C1orf21: variants seen among roughly 807,000 people sequenced by gnomAD.
The protein encoded by C1orf21 is chromosome 1 open reading frame 21.
Under a neutral mutation model 18.7 loss-of-function variants are expected in C1orf21, and 3 were observed. That is an observed-to-expected ratio of 0.16 (90% CI 0.07 to 0.42). The LOEUF is 0.42. Ranked by LOEUF, C1orf21 falls within the 10% of genes least tolerant of loss-of-function variation. The pLI, the probability that C1orf21 is intolerant of heterozygous loss-of-function variation, is 0.99. For missense variants in C1orf21, 104 were observed against 143.6 expected (o/e 0.72, Z 1.41); for synonymous variants, 41 against 46.4 (o/e 0.88, Z 0.47).
In C1orf21 at chr1:184,532,288, G is replaced by A. The variant is rs557400722; in HGVS notation, c.189+24606G>A. The stretch of plus-strand genomic sequence containing the variant: ...CTGTAAAACAATAAAAATAATACCC[G>A]TCTTACAAGATTGTTGTAAAGATGA... On this transcript the variant is annotated intron_variant, in intron 3 of 5. Coordinates refer to ENST00000235307, the MANE Select transcript of C1orf21 (RefSeq NM_030806.4). 2.6e-5 allele frequency among the ~76,000 whole-genome samples: 4 copies of A among 152,058 alleles called. No homozygotes were observed. In the East Asian group the frequency reaches 5.8e-4, roughly 22 times the overall value.
intron 2 of C1orf21, among the ~76,000 whole-genome samples, chr1:184,492,795 G>A (rs1472381937): frequency 6.6e-6 from 1 of 152,186 alleles, no homozygotes; most frequent in African/African-American, 2.4e-5. Context: ...AAGGTTTGTG[G>A]TAGAAGTCAG....
chr1:184,558,080 T>C (rs1321586429), intron 3 of C1orf21, among the ~76,000 whole-genome samples: 3 of 152,234 alleles, frequency 2.0e-5, no homozygotes, highest in Non-Finnish European at 2.9e-5. Flanking sequence ...TTCAACATGG[T>C]AAGAGCAAAG....
chr1:184,492,365 C>T (rs922426872), intron 2 of C1orf21, among the ~76,000 whole-genome samples: 1 of 152,192 alleles, frequency 6.6e-6, no homozygotes, highest in African/African-American at 2.4e-5. Flanking sequence ...TATTTACCTG[C>T]TCCCCACACT....
Position 184,524,343 on chromosome 1 carries a change from C to A in C1orf21, c.189+16661C>A, listed in dbSNP as rs554816215. Among the ~76,000 whole-genome samples, 17 of 152,196 alleles carry A rather than the reference C, an allele frequency of 1.1e-4. No individual in the cohort carries two copies. In the South Asian group the frequency reaches 3.5e-3, roughly 32 times the overall value. ...AAAGACTTTGTTAATTCTATTCTTA[C>A]GTATGAATATAAAACTATAAGACTG... On this transcript the variant is annotated intron_variant, in intron 3 of 5. Transcript: ENST00000235307.
At chr1:184,584,124 G>GTTC (rs199839062) in intron 3 of C1orf21, among the ~76,000 whole-genome samples, 3 of 114,132 alleles carry the variant, frequency 2.6e-5, no homozygotes, top group African/African-American at 6.6e-5. Context: ...TTGTTTGCTT[G>GTTC]TTCTTCTTCT....
intron 2 of C1orf21, among the ~76,000 whole-genome samples, chr1:184,506,414 A>G (rs1430143017): frequency 6.6e-6 from 1 of 152,218 alleles, no homozygotes; most frequent in Non-Finnish European, 1.5e-5. Flanking sequence ...GTGGTGTTAT[A>G]GATACTAAGA....
At chr1:184,460,631 CT>C (rs1657289780) in intron 1 of C1orf21, among the ~76,000 whole-genome samples, 1 of 72,076 alleles carries the variant, frequency 1.4e-5, no homozygotes, top group Non-Finnish European at 3.4e-5. Context: ...TCTTCTTCTT[CT>C]TCTTCTTCTT....
intron 2 of C1orf21, among the ~76,000 whole-genome samples, chr1:184,484,884 C>CTGTGTGTG (rs3034460): frequency 0.018 from 2,649 of 146,056 alleles, 34 homozygotes; most frequent in African/African-American, 0.031. Flanking sequence ...ATGCTTGTGG[C>CTGTGTGTG]TGTGTGTGTG....
intron 5 of C1orf21, among the ~76,000 whole-genome samples, chr1:184,616,400 C>T (rs182167940): frequency 1.4e-4 from 22 of 152,308 alleles, no homozygotes; most frequent in African/African-American, 4.3e-4. Flanking sequence ...ATAAATAGTA[C>T]GTAAAATAAT....
intron 3 of C1orf21, among the ~76,000 whole-genome samples, chr1:184,582,987 C>T (rs1288659064): frequency 6.6e-5 from 10 of 152,020 alleles, no homozygotes; most frequent in Non-Finnish European, 7.4e-5. Context: ...TACAGGCACA[C>T]GTCACCATGC....
intron 3 of C1orf21, among the ~76,000 whole-genome samples, chr1:184,532,414 A>G (rs1658476480): frequency 1.3e-5 from 2 of 152,168 alleles, no homozygotes; most frequent in Admixed American, 1.3e-4. Flanking sequence ...GTGGTGAGAA[A>G]GCACTGTCAG....
At chr1:184,535,150 C>T (rs907739221) in intron 3 of C1orf21, among the ~76,000 whole-genome samples, 8 of 152,134 alleles carry the variant, frequency 5.3e-5, no homozygotes, top group East Asian at 1.9e-4. Context: ...CAGGGAACTA[C>T]GATCTGTTGT....
intron 3 of C1orf21, among the ~76,000 whole-genome samples, chr1:184,534,856 A>G (rs1047592382): frequency 5.3e-5 from 8 of 152,066 alleles, no homozygotes; most frequent in Middle Eastern, 3.2e-3. Context: ...GGTCGTAAAT[A>G]TGGAAGAGAT....
At chr1:184,619,374 C>G in intron 5 of C1orf21, 144 bp from the exon 6 acceptor site, 1 of 799,836 alleles carries the variant, frequency 1.3e-6, no homozygotes, top group Non-Finnish European at 2.0e-6. Context: ...TATGACGTAG[C>G]TACCCCTGTG....
At chr1:184,530,267 A>C (rs1182625176) in intron 3 of C1orf21, among the ~76,000 whole-genome samples, 1 of 152,186 alleles carries the variant, frequency 6.6e-6, no homozygotes, top group Non-Finnish European at 1.5e-5. Context: ...GGCCTTGGAC[A>C]AGTTATCTCT....
intron 1 of C1orf21, among the ~76,000 whole-genome samples, chr1:184,455,952 T>C (rs746798807): frequency 2.0e-5 from 3 of 152,228 alleles, no homozygotes; most frequent in Admixed American, 6.5e-5. Flanking sequence ...AATGTGTCTA[T>C]GTAGCTTGAG....
chr1:184,570,401 A>G (rs550648718), intron 3 of C1orf21, among the ~76,000 whole-genome samples: 172 of 152,300 alleles, frequency 1.1e-3, no homozygotes, highest in Non-Finnish European at 1.9e-3. Context: ...AAATTATCAC[A>G]CTGCTGCCAC....
At chr1:184,537,044 G>A (rs1358355406) in intron 3 of C1orf21, among the ~76,000 whole-genome samples, 4 of 152,056 alleles carry the variant, frequency 2.6e-5, no homozygotes, top group Non-Finnish European at 5.9e-5. Context: ...TTATATACGG[G>A]CTATGCAAGG....
At chr1:184,551,223 T>C (rs897614823) in intron 3 of C1orf21, among the ~76,000 whole-genome samples, 1 of 152,122 alleles carries the variant, frequency 6.6e-6, no homozygotes, top group Non-Finnish European at 1.5e-5. Flanking sequence ...TTTAGAGAAC[T>C]ATGTGTGTAT....
Sources: gnomAD v4.1 joint callset for allele counts (sites outside exome capture counted in the v4.1 genomes callset) on GRCh38, gnomAD v4.1.1 for gene constraint, MANE v1.5 for transcripts, NCBI Gene and HGNC (gene_info 2026-07-23, HGNC 2026-07-21) for gene names.